The following MON2 variants were observed in gnomAD, a reference collection of about 807,000 sequenced individuals.
MON2 encodes the protein protein MON2 homolog.
Under a neutral mutation model 208.6 loss-of-function variants are expected in MON2, and 84 were observed. The observed-to-expected ratio is 0.40, with a 90% confidence interval of 0.34 to 0.48. The LOEUF is 0.48. Among genes scored for constraint, MON2 ranks in the 20% least tolerant of loss-of-function variants. The pLI, the probability that MON2 is intolerant of heterozygous loss-of-function variation, is 0.59. For missense variants in MON2, 1,611 were observed against 2,015.4 expected (o/e 0.80, Z 3.84); for synonymous variants, 660 against 694.0 (o/e 0.95, Z 0.77).
chr12:62,477,609 A>G (rs1443092136), intron 1 of MON2, among the ~76,000 whole-genome samples: 2 of 48,860 alleles, frequency 4.1e-5, no homozygotes, highest in Admixed American at 1.7e-4. Context: ...TAGAGACAGC[A>G]TCTGCCTATG....
chr12:62,591,982 T>G (rs2075410531), intron 34 of MON2, among the ~76,000 whole-genome samples: 1 of 152,230 alleles, frequency 6.6e-6, no homozygotes, highest in Non-Finnish European at 1.5e-5. Flanking sequence ...TCAGTAGCAA[T>G]AGCATTTAGC....
Position 62,487,439 on chromosome 12 carries a change from C to T in MON2, c.175+3206C>T, listed in dbSNP as rs568027053. Among the ~76,000 whole-genome samples the T allele has an allele frequency of 1.0e-3, 152 of 152,068 alleles. 1 individual carries two copies. Among genetic ancestry groups the T allele is most frequent in the African/African-American group, 3.5e-3 (144 of 41,518 alleles). ...TGTATATTTAGCCCCTACCCCAAAC[C>T]GTAGTGGTTACATCTACCTGTGGCT... On this transcript the variant is annotated intron_variant, in intron 2 of 34. Transcript: ENST00000393630.
intron 32 of MON2, among the ~76,000 whole-genome samples, chr12:62,584,890 AAG>A (rs1444549406): frequency 6.6e-6 from 1 of 151,808 alleles, no homozygotes; most frequent in Non-Finnish European, 1.5e-5. Context: ...GAGAGGGAAA[AAG>A]AGAGAAAAAG....
chr12:62,525,694 A>T (rs1333656635), intron 10 of MON2, among the ~76,000 whole-genome samples: 2 of 152,190 alleles, frequency 1.3e-5, no homozygotes, highest in Non-Finnish European at 2.9e-5. Context: ...AAGTGGTCTA[A>T]TGAAAGGCTA....
chr12:62,549,294 G>T (rs1452023361), intron 22 of MON2, among the ~76,000 whole-genome samples: 4 of 151,952 alleles, frequency 2.6e-5, no homozygotes, highest in Admixed American at 2.0e-4. Context: ...TCAAATTATT[G>T]TAAGATATGT....
intron 25 of MON2, among the ~76,000 whole-genome samples, chr12:62,556,540 A>G (rs1162643710): frequency 1.3e-5 from 2 of 152,156 alleles, no homozygotes; most frequent in Admixed American, 6.5e-5. Context: ...TGAGAAAGCA[A>G]TAGTTTTCCT....
rs143870782 is a variant in MON2 at position 62,565,641 on chromosome 12, C to T, written c.4176+261C>T. On this transcript the variant is annotated intron_variant, in intron 27 of 34. Transcript: ENST00000393630. ...TGGCCTTTCATATTACTCTCCAGTACATCTTTCTTGAAAAATATAAGTTCC... is the reference window on the plus strand; with the variant it reads ...TGGCCTTTCATATTACTCTCCAGTATATCTTTCTTGAAAAATATAAGTTCC... Among the ~76,000 whole-genome samples the T allele has an allele frequency of 2.6e-3, 397 of 152,272 alleles. 4 individuals carry two copies. The highest frequency in any genetic ancestry group is 9.0e-3 in the African/African-American group (373 of 41,562).
At position 62,467,307 on chromosome 12, in the gene MON2, C is replaced by A; in HGVS notation, c.100C>A (p.Pro34Thr). ...LSLECKKKFP[P>T]VKEAAESGII... ...ACTGGAGTGCAAGAAGAAATTCCCA[C>A]CTGTCAAAGAGGTAAGCTTCAGGTG... Residue 34 changes from proline (P) to threonine (T), a missense_variant, in exon 1 of 35, where the codon CCT becomes ACT. Coordinates refer to ENST00000393630, the MANE Select transcript of MON2 (RefSeq NM_015026.3). The A allele has an allele frequency of 6.2e-7, 1 of 1,613,984 alleles. No homozygotes were observed. Among genetic ancestry groups the A allele is most frequent in the Non-Finnish European group, 8.5e-7 (1 of 1,179,908 alleles).
intron 8 of MON2, among the ~76,000 whole-genome samples, chr12:62,515,003 G>T (rs144382308): frequency 6.6e-6 from 1 of 152,212 alleles, no homozygotes; most frequent in Non-Finnish European, 1.5e-5. Context: ...TGGCAAGGAT[G>T]TGGAGAAAAT....
intron 21 of MON2, 104 bp from the exon 22 acceptor site, chr12:62,546,793 C>A: frequency 1.2e-6 from 1 of 816,026 alleles, no homozygotes; most frequent in South Asian, 2.3e-5. Flanking sequence ...ATCTATTTCC[C>A]ATAGTAGTCT....
intron 8 of MON2, among the ~76,000 whole-genome samples, chr12:62,519,312 T>C (rs1396264862): frequency 3.3e-5 from 5 of 152,024 alleles, no homozygotes; most frequent in Non-Finnish European, 7.4e-5. Flanking sequence ...TGAGTGATAC[T>C]GGGGGTGGGT....
rs991461140 is a variant in MON2, at chr12:62,565,117, T to A, written c.4033-120T>A. ...TGTGTCCTTTAGGGCTCAGAAAAGA[T>A]GGTATAATACATAAAATAAGACAGT... On this transcript the variant is annotated intron_variant, in intron 26 of 34. Coordinates refer to ENST00000393630, the MANE Select transcript of MON2 (RefSeq NM_015026.3). The A allele has an allele frequency of 1.5e-5, 14 of 942,776 alleles. No homozygotes were observed. The African/African-American group carries it at 2.4e-4, about 16-fold the overall frequency. The allele number at this position is 942,776 out of a possible 1,614,324, so 58.4% of individuals were successfully genotyped here. A position where few individuals can be genotyped will look rare whatever the true frequency, so the allele number is the denominator to read the frequency against.
intron 2 of MON2, among the ~76,000 whole-genome samples, chr12:62,493,511 A>T (rs1409271749): frequency 1.3e-5 from 2 of 152,206 alleles, no homozygotes; most frequent in African/African-American, 4.8e-5. Flanking sequence ...TGTGGGGATG[A>T]TGTATGTACT....
chr12:62,549,456 CAAA>C (rs5798647), intron 22 of MON2, among the ~76,000 whole-genome samples: 3 of 98,508 alleles, frequency 3.0e-5, no homozygotes, highest in Admixed American at 1.0e-4. Flanking sequence ...CCTGTCTCCA[CAAA>C]AAAAAAAAAA....
intron 8 of MON2, among the ~76,000 whole-genome samples, chr12:62,521,839 G>A (rs2072058818): frequency 6.6e-6 from 1 of 152,110 alleles, no homozygotes; most frequent in South Asian, 2.1e-4. Flanking sequence ...GAATCACTTA[G>A]GATGTGTACC....
At chr12:62,581,098 T>C (rs2074988418) in intron 32 of MON2, among the ~76,000 whole-genome samples, 2 of 152,244 alleles carry the variant, frequency 1.3e-5, no homozygotes, top group East Asian at 3.8e-4. Flanking sequence ...AAAAAATTGC[T>C]CACAATCTTA....
Position 62,566,349 on chromosome 12 carries a change from C to A in MON2, c.4222C>A (p.Pro1408Thr), listed in dbSNP as rs1458733354. The change falls in exon 29 of 35, where the codon CCG becomes ACG. Residue 1408 changes from proline to threonine, a missense_variant. Physicochemically the swap from Pro to Thr is conservative, Grantham distance 38. Coordinates refer to ENST00000393630, the MANE Select transcript of MON2 (RefSeq NM_015026.3). Reference protein sequence around the residue: ...PAEWVALNYVPFAERSLEVVV... With the variant: ...PAEWVALNYVTFAERSLEVVV... ...GGAATGGGTAGCCTTGAATTATGTG[C>A]CGTTTGCTGAAAGGTCTTTAGAAGT... The A allele has an allele frequency of 6.2e-7, 1 of 1,612,998 alleles. No homozygotes were observed. The highest frequency in any genetic ancestry group is 1.7e-5 in the Admixed American group (1 of 59,916).
At chr12:62,553,957 C>T (rs2073859001) in intron 24 of MON2, among the ~76,000 whole-genome samples, 1 of 152,088 alleles carries the variant, frequency 6.6e-6, no homozygotes, top group Admixed American at 6.5e-5. Context: ...GCTGAGGCAG[C>T]AGGATCACCT....
chr12:62,556,588 G>A (rs1479887213), intron 25 of MON2, among the ~76,000 whole-genome samples: 1 of 152,176 alleles, frequency 6.6e-6, no homozygotes, highest in East Asian at 1.9e-4. Context: ...TCAGGCAAGA[G>A]TAAGACGAAG....
Sources: allele counts gnomAD v4.1 joint callset (sites outside exome capture counted in the v4.1 genomes callset), GRCh38; gene constraint gnomAD v4.1.1; transcripts MANE v1.5; gene names NCBI Gene and HGNC (gene_info 2026-07-23, HGNC 2026-07-21).